Variants in TCF7L1 observed in about 807,000 individuals in gnomAD.
The protein encoded by TCF7L1 is transcription factor 7-like 1.
A neutral mutation model predicts 63.7 loss-of-function variants in TCF7L1; 18 were observed. That is an observed-to-expected ratio of 0.28 (90% CI 0.20 to 0.42). TCF7L1 has a LOEUF of 0.42. TCF7L1 is among the 10% of genes least tolerant of loss of function. TCF7L1 has a pLI of 1.00. For synonymous variants in TCF7L1, 355 were observed against 340.9 expected (o/e 1.04, Z -0.46); for missense variants, 654 against 779.3 (o/e 0.84, Z 1.91).
intron 4 of TCF7L1, among the ~76,000 whole-genome samples, chr2:85,295,360 C>A (rs1681817451): frequency 1.3e-5 from 2 of 152,082 alleles, no homozygotes; most frequent in South Asian, 4.2e-4. Flanking sequence ...TGCCCGCATG[C>A]CCGGCTAATT....
At chr2:85,308,581 C>CCCTT (rs1160637661) in intron 11 of TCF7L1, among the ~76,000 whole-genome samples, 21 of 149,764 alleles carry the variant, frequency 1.4e-4, no homozygotes, top group African/African-American at 4.4e-4. Context: ...CTCCCCTCCT[C>CCCTT]CCTTCCTTCC....
At chr2:85,244,069 C>T (rs573857737) in intron 3 of TCF7L1, among the ~76,000 whole-genome samples, 22 of 152,232 alleles carry the variant, frequency 1.4e-4, no homozygotes, top group Admixed American at 1.2e-3. Context: ...GACACATACA[C>T]GGGGGAAGAG....
chr2:85,144,507 T>C (rs1392964947), intron 3 of TCF7L1, among the ~76,000 whole-genome samples: 1 of 146,336 alleles, frequency 6.8e-6, no homozygotes, highest in Non-Finnish European at 1.5e-5. Context: ...GAAGCTGAGG[T>C]GGGAGGATTG....
chr2:85,304,451 C>A, intron 7 of TCF7L1, 113 bp downstream of exon 7: 1 of 1,075,496 alleles, frequency 9.3e-7, no homozygotes, highest in Non-Finnish European at 1.3e-6. Context: ...CTCACCCTCC[C>A]CCCACCTCTC....
Position 85,222,070 on chromosome 2 carries a change from G to A in TCF7L1, c.442-61425G>A, listed in dbSNP as rs978386468. ...TAAAAGACTAAAGGTGGCCAGATGC[G>A]GTGGCTCATGCCTATAATCCCAGCA... On this transcript the variant is annotated intron_variant, in intron 3 of 11. Coordinates refer to ENST00000282111, the MANE Select transcript of TCF7L1 (RefSeq NM_031283.3). Among the ~76,000 whole-genome samples the A allele has an allele frequency of 1.5e-4, 23 of 152,192 alleles. No homozygotes were observed. In the East Asian group the frequency reaches 3.1e-3, roughly 20 times the overall value.
intron 3 of TCF7L1, among the ~76,000 whole-genome samples, chr2:85,277,645 G>A (rs1204499298): frequency 3.3e-5 from 5 of 152,220 alleles, no homozygotes; most frequent in African/African-American, 4.8e-5. Flanking sequence ...CTGGAGCAAG[G>A]GGCGCTTTCT....
At chr2:85,241,929 G>A (rs897881925) in intron 3 of TCF7L1, among the ~76,000 whole-genome samples, 4 of 151,130 alleles carry the variant, frequency 2.6e-5, no homozygotes, top group Non-Finnish European at 4.4e-5. Context: ...GGATAACTCC[G>A]TGAGTCCAGG....
intron 3 of TCF7L1, among the ~76,000 whole-genome samples, chr2:85,199,268 T>A (rs573453017): frequency 3.3e-5 from 5 of 152,212 alleles, no homozygotes; most frequent in Admixed American, 6.5e-5. Flanking sequence ...CTTAGCCATT[T>A]TGCATTTAAG....
intron 3 of TCF7L1, among the ~76,000 whole-genome samples, chr2:85,279,454 G>C (rs570163270): frequency 6.6e-6 from 1 of 152,120 alleles, no homozygotes; most frequent in African/African-American, 2.4e-5. Context: ...CTCTAGTTGG[G>C]CTAGGCCTGA....
intron 3 of TCF7L1, among the ~76,000 whole-genome samples, chr2:85,271,122 T>C (rs1485170497): frequency 6.6e-6 from 1 of 152,002 alleles, no homozygotes; most frequent in Non-Finnish European, 1.5e-5. Flanking sequence ...CAATTTCCTT[T>C]GTTTTTTTGA....
intron 4 of TCF7L1, among the ~76,000 whole-genome samples, chr2:85,289,653 AATAG>A (rs1251729920): frequency 6.6e-6 from 1 of 152,206 alleles, no homozygotes; most frequent in Non-Finnish European, 1.5e-5. Context: ...ACATTTTAAA[AATAG>A]ATAGACATAG....
At chr2:85,251,939 G>T (rs1680598716) in intron 3 of TCF7L1, among the ~76,000 whole-genome samples, 1 of 152,182 alleles carries the variant, frequency 6.6e-6, no homozygotes, top group African/African-American at 2.4e-5. Flanking sequence ...GCCAGGCGTG[G>T]TGGCACGTAC....
rs1558663551 is a variant in TCF7L1, at chr2:85,308,458, T to TTTCTGTTTCCCTCC, written c.1334-571_1334-570insTTCTGTTTCCCTCC. 3.2e-4 allele frequency among the ~76,000 whole-genome samples: 15 copies of TTTCTGTTTCCCTCC among 46,364 alleles called. 1 individual carries two copies. The highest frequency in any genetic ancestry group is 1.7e-3 in the African/African-American group (13 of 7,804). 30.4% of individuals were successfully genotyped at this position (46,364 alleles called of 152,430 possible). ...CTCCCTCCCTTTCTCTTTCCCTCCC[T>TTTCTGTTTCCCTCC]CTCTTTCCCTCCCTCTCCCCCTCCT... On this transcript the variant is annotated intron_variant, in intron 11 of 11. Transcript: ENST00000282111.
intron 3 of TCF7L1, among the ~76,000 whole-genome samples, chr2:85,274,655 A>C (rs886631999): frequency 6.6e-6 from 1 of 152,220 alleles, no homozygotes; most frequent in African/African-American, 2.4e-5. Context: ...TCAGTGACTC[A>C]TCGTGGTACC....
chr2:85,301,308 T>TA (rs1681966988), intron 4 of TCF7L1, among the ~76,000 whole-genome samples: 1 of 152,332 alleles, frequency 6.6e-6, no homozygotes, highest in South Asian at 2.1e-4. Flanking sequence ...CTAAGTCATG[T>TA]AATCTTTCTG....
intron 3 of TCF7L1, among the ~76,000 whole-genome samples, chr2:85,253,720 A>G (rs1252939956): frequency 1.3e-5 from 2 of 152,198 alleles, no homozygotes; most frequent in African/African-American, 2.4e-5. Flanking sequence ...CCTTTTTACT[A>G]CCATCGTAAG....
intron 3 of TCF7L1, among the ~76,000 whole-genome samples, chr2:85,259,029 C>T (rs1362992533): frequency 1.3e-5 from 2 of 152,226 alleles, no homozygotes; most frequent in Non-Finnish European, 2.9e-5. Context: ...CACTCGGTGA[C>T]ACCCCCACTC....
chr2:85,233,316 ATTTT>A (rs11345481), intron 3 of TCF7L1, among the ~76,000 whole-genome samples: 47 of 134,528 alleles, frequency 3.5e-4, no homozygotes, highest in Middle Eastern at 3.8e-3. Flanking sequence ...AAATTCAGAG[ATTTT>A]TTTTTTTTTT....
chr2:85,165,353 A>C (rs1299246039), intron 3 of TCF7L1, among the ~76,000 whole-genome samples: 1 of 148,396 alleles, frequency 6.7e-6, no homozygotes, highest in Admixed American at 6.9e-5. Context: ...GATTAGGTAG[A>C]AGCTTTTGAA....
Sources: gnomAD v4.1 joint callset for allele counts (sites outside exome capture counted in the v4.1 genomes callset) on GRCh38, gnomAD v4.1.1 for gene constraint, MANE v1.5 for transcripts, NCBI Gene and HGNC (gene_info 2026-07-23, HGNC 2026-07-21) for gene names.